DRC1: variants seen among roughly 807,000 people sequenced by gnomAD.
DRC1 encodes dynein regulatory complex protein 1.
In DRC1, 74 loss-of-function variants were observed where a neutral mutation model predicts 98.7. The ratio of observed to expected loss-of-function variants is 0.75; its 90% CI spans 0.62 to 0.91. The LOEUF is 0.91. Among genes scored for constraint, DRC1 ranks in the 40% least tolerant of loss-of-function variants. DRC1 has a pLI of 0.00. For missense variants in DRC1, 875 were observed against 886.0 expected, an observed-to-expected ratio of 0.99 and a Z score of 0.16; for synonymous variants, 336 against 334.1, an observed-to-expected ratio of 1.01 and a Z score of -0.06.
chr2:26,421,199 C>A (rs1663132455), intron 2 of DRC1, 89 bp from the exon 3 acceptor site: 2 of 1,152,526 alleles, frequency 1.7e-6, no homozygotes, highest in Non-Finnish European at 2.5e-6. Context: ...TGGATAGAAG[C>A]TGCGGACAGT....
chr2:26,446,094 A>ATTT (rs35251803), intron 10 of DRC1, among the ~76,000 whole-genome samples: 7 of 83,006 alleles, frequency 8.4e-5, no homozygotes, highest in African/African-American at 2.3e-4. Flanking sequence ...CAAATAGGGA[A>ATTT]TTTTTTTTTT....
chr2:26,426,441 A>C (rs1359613952), intron 4 of DRC1, among the ~76,000 whole-genome samples: 1 of 149,354 alleles, frequency 6.7e-6, no homozygotes, highest in African/African-American at 2.5e-5. Flanking sequence ...ATCTCGGCTC[A>C]CTGCAACCTC....
chr2:26,402,170 G>T lies in DRC1; in HGVS notation c.155+26G>T, dbSNP rs750851765. 9 of 1,556,552 alleles carry T rather than the reference G, an allele frequency of 5.8e-6. No individual in the cohort carries two copies. In the African/African-American group the frequency reaches 1.1e-4, roughly 19 times the overall value. ...GTGAGCGCGGGGGCGGGCGGGGCGG[G>T]ATCCGCGCCGCAGGAGCCGGAGAAG... On this transcript the variant is annotated intron_variant, in intron 1 of 16. Transcript: ENST00000288710.
intron 7 of DRC1, among the ~76,000 whole-genome samples, chr2:26,438,158 G>A (rs1663623529): frequency 6.6e-6 from 1 of 151,100 alleles, no homozygotes; most frequent in Admixed American, 6.6e-5. Context: ...TACTAACATG[G>A]AAAATTGTTG....
chr2:26,453,329 T>A lies in DRC1; in HGVS notation c.1699T>A (p.Cys567Ser). 3 of 1,614,146 alleles carry A rather than the reference T, an allele frequency of 1.9e-6. No homozygotes were observed. Among genetic ancestry groups the A allele is most frequent in the Non-Finnish European group, 2.5e-6 (3 of 1,180,026 alleles). Residue 567 changes from cysteine (C) to serine (S), a missense_variant, in exon 14 of 17, where the codon TGC becomes AGC. By Grantham distance (112) the Cys-to-Ser change is moderately radical (BLOSUM62 -1). Coordinates refer to ENST00000288710, the MANE Select transcript of DRC1 (RefSeq NM_145038.5). ...RLSSSLQIKP[C>S]SQASMEKASM... The stretch of plus-strand genomic sequence containing the variant: ...GTGCATCTTTCTCCAGATCAAGCCC[T>A]GCAGTCAGGCGAGCATGGAGAAGGC...
chr2:26,420,178 C>T (rs1663090835), intron 2 of DRC1, among the ~76,000 whole-genome samples: 1 of 152,188 alleles, frequency 6.6e-6, no homozygotes, highest in Non-Finnish European at 1.5e-5. Context: ...GCAGAGGGTA[C>T]ACCTTTTCCC....
chr2:26,433,014 GCTAGAA>G (rs1269362989), intron 7 of DRC1, among the ~76,000 whole-genome samples: 3 of 152,338 alleles, frequency 2.0e-5, no homozygotes, highest in African/African-American at 7.2e-5. Context: ...GCTTCTAAGA[GCTAGAA>G]CTGTCTAATA....
chr2:26,454,286 C>T lies in DRC1; in HGVS notation c.1920-361C>T, dbSNP rs1246148128. Among the ~76,000 whole-genome samples, 1 of 151,956 alleles carries T rather than the reference C, an allele frequency of 6.6e-6. No homozygotes were observed. The highest frequency in any genetic ancestry group is 1.5e-5 in the Non-Finnish European group (1 of 67,988). On this transcript the variant is annotated intron_variant, in intron 14 of 16. Coordinates refer to ENST00000288710, the MANE Select transcript of DRC1 (RefSeq NM_145038.5). This position sits in a 1 kb window ranked among gnomAD's most constrained non-coding sequence, Gnocchi z 5.2. Reference sequence around the variant, plus strand: ...TTGTCCAGGTGGGAGGTGAGGATCCCCCAGATTAAGGCTGTCATGAGGGGA... The same window carrying T: ...TTGTCCAGGTGGGAGGTGAGGATCCTCCAGATTAAGGCTGTCATGAGGGGA...
At chr2:26,413,415 T>C (rs1678686442) in intron 1 of DRC1, among the ~76,000 whole-genome samples, 1 of 152,220 alleles carries the variant, frequency 6.6e-6, no homozygotes, top group Admixed American at 6.5e-5. Context: ...TTTTGACAAA[T>C]CTTGCCGAAT....
chr2:26,456,200 A>G (rs1455764893), intron 16 of DRC1, among the ~76,000 whole-genome samples: 1 of 152,114 alleles, frequency 6.6e-6, no homozygotes, highest in Admixed American at 6.5e-5. Context: ...TGGAGAGAGG[A>G]GAGGGGAAGA....
rs909455212 is a variant in DRC1, at chr2:26,444,371, T to C, written c.1163+15T>C. On this transcript the variant is annotated intron_variant, in intron 9 of 16. Transcript: ENST00000288710. Reference sequence around the variant, plus strand: ...AAAGCCATGAGGTATCTTAAGGACTTGGTCCTAAGGCACTTGTCCTAGCAT... The same window carrying C: ...AAAGCCATGAGGTATCTTAAGGACTCGGTCCTAAGGCACTTGTCCTAGCAT... The C allele has an allele frequency of 5.6e-5, 91 of 1,612,484 alleles. No homozygotes were observed. Among genetic ancestry groups the C allele is most frequent in the Non-Finnish European group, 7.4e-5 (87 of 1,179,700 alleles).
At position 26,401,970 on chromosome 2, in the gene DRC1, A is replaced by G. The variant is rs1176133744; in HGVS notation, c.-20A>G. 6.3e-7 allele frequency: 1 copy of G among 1,584,706 alleles called. No individual in the cohort carries two copies. Among genetic ancestry groups the G allele is most frequent in the South Asian group, 1.1e-5 (1 of 87,024 alleles). On this transcript the variant is annotated 5_prime_UTR_variant, in exon 1 of 17. Coordinates refer to ENST00000288710, the MANE Select transcript of DRC1 (RefSeq NM_145038.5). The stretch of plus-strand genomic sequence containing the variant: ...GGAGGTGGTGCGGAGGGAGCCGCCT[A>G]GGGACCAGGGACTCCTGCCATGAAT...
At chr2:26,433,158 AGT>A (rs1663482813) in intron 7 of DRC1, among the ~76,000 whole-genome samples, 14 of 152,246 alleles carry the variant, frequency 9.2e-5, no homozygotes, top group Admixed American at 9.2e-4. Flanking sequence ...TGGTTTCTAA[AGT>A]TTTTTCCAAG....
At chr2:26,423,536 G>A (rs1296470826) in intron 3 of DRC1, among the ~76,000 whole-genome samples, 1 of 152,112 alleles carries the variant, frequency 6.6e-6, no homozygotes, top group Non-Finnish European at 1.5e-5. Context: ...CCCAGCCTCG[G>A]TGTGCTCTAT....
intron 2 of DRC1, 106 bp downstream of exon 2, chr2:26,414,537 T>C: frequency 9.7e-7 from 1 of 1,028,174 alleles, no homozygotes; most frequent in South Asian, 1.5e-5. Context: ...TGTTGCTGTC[T>C]CTAGGCAGAA....
intron 1 of DRC1, among the ~76,000 whole-genome samples, chr2:26,413,020 G>A (rs1678670164): frequency 6.6e-6 from 1 of 152,154 alleles, no homozygotes; most frequent in Non-Finnish European, 1.5e-5. Flanking sequence ...CTGACCTCGC[G>A]ATCCACCCGC....
chr2:26,420,146 G>A (rs1300683596), intron 2 of DRC1, among the ~76,000 whole-genome samples: 7 of 152,120 alleles, frequency 4.6e-5, no homozygotes, highest in African/African-American at 1.7e-4. Context: ...GCCAGCCTGG[G>A]AGAAGGGGCA....
chr2:26,430,568 C>A, intron 5 of DRC1: 1 of 632,794 alleles, frequency 1.6e-6, no homozygotes, highest in Non-Finnish European at 3.0e-6. Flanking sequence ...TGGCACATCT[C>A]CTCTCCGCAT....
At chr2:26,411,580 A>G (rs1271323395) in intron 1 of DRC1, among the ~76,000 whole-genome samples, 1 of 152,134 alleles carries the variant, frequency 6.6e-6, no homozygotes, top group African/African-American at 2.4e-5. Flanking sequence ...AGTAGTTAAT[A>G]AGAATTTATA....
Sources: allele counts gnomAD v4.1 joint callset (sites outside exome capture counted in the v4.1 genomes callset), GRCh38; gene constraint gnomAD v4.1.1; non-coding constraint Gnocchi (gnomAD v3.1); transcripts MANE v1.5; gene names NCBI Gene and HGNC (gene_info 2026-07-23, HGNC 2026-07-21).